The following CBLC variants were observed in gnomAD, a reference collection of about 807,000 sequenced individuals.
The protein encoded by CBLC is E3 ubiquitin-protein ligase CBL-C.
In CBLC, 46 loss-of-function variants were observed where a neutral mutation model predicts 58.6. The observed-to-expected ratio is 0.79, with a 90% CI of 0.62 to 1.00. The LOEUF is 1.00. Ranked by LOEUF, CBLC falls within the 50% of genes least tolerant of loss-of-function variation. CBLC has a pLI of 0.00. For synonymous variants in CBLC, 271 were observed against 264.2 expected (o/e 1.03, Z -0.25); for missense variants, 655 against 625.8 (o/e 1.05, Z -0.50).
intron 9 of CBLC, among the ~76,000 whole-genome samples, chr19:44,796,529 C>T (rs1968181259): frequency 6.6e-6 from 1 of 151,926 alleles, no homozygotes; most frequent in Admixed American, 6.6e-5. Context: ...GGATTACAGG[C>T]AGGTGCCACC....
In CBLC at chr19:44,791,738, A is replaced by T. The variant is rs1487676171; in HGVS notation, c.1006-645A>T. ...CAGAGCAAGACTGCGTCTCCAAAAAAAAAAAAAAAAAATGAGTGTAGACAT... is the reference window on the plus strand; with the variant it reads ...CAGAGCAAGACTGCGTCTCCAAAAATAAAAAAAAAAAATGAGTGTAGACAT... On this transcript the variant is annotated intron_variant, in intron 6 of 10. Transcript: ENST00000647358. 2.0e-5 allele frequency among the ~76,000 whole-genome samples: 3 copies of T among 152,100 alleles called. No individual in the cohort carries two copies. In the East Asian group the frequency reaches 5.8e-4, roughly 29 times the overall value.
chr19:44,799,694 AAGAG>A (rs755886107), intron 9 of CBLC, among the ~76,000 whole-genome samples: 35 of 146,198 alleles, frequency 2.4e-4, no homozygotes, highest in South Asian at 6.4e-4. Context: ...AAAGTAAAGA[AAGAG>A]AGAGAGAAAG....
chr19:44,794,309 G>A (rs1233396041), intron 9 of CBLC, 28 bp downstream of exon 9: 1 of 1,608,418 alleles, frequency 6.2e-7, no homozygotes, highest in East Asian at 2.2e-5. Flanking sequence ...CTGAGGTTGG[G>A]GGCTGGGGTC....
chr19:44,788,348 A>G (rs1283349265), intron 5 of CBLC, among the ~76,000 whole-genome samples: 1 of 150,630 alleles, frequency 6.6e-6, no homozygotes, highest in Non-Finnish European at 1.5e-5. Context: ...CTGGTCTCGA[A>G]CCCCTGGGCT....
At chr19:44,789,942 G>T (rs1968002344) in intron 5 of CBLC, 62 bp from the exon 6 acceptor site, 3 of 1,075,082 alleles carry the variant, frequency 2.8e-6, no homozygotes, top group Non-Finnish European at 4.4e-6. Context: ...AAAGGTACTT[G>T]TTCATCTGGG....
At chr19:44,791,228 C>T (rs2122479269) in intron 6 of CBLC, among the ~76,000 whole-genome samples, 1 of 149,634 alleles carries the variant, frequency 6.7e-6, no homozygotes. Context: ...ATCACTTGAG[C>T]CTGGGAGTTG....
chr19:44,787,706 A>G (rs1335042356), intron 5 of CBLC, among the ~76,000 whole-genome samples: 2 of 150,810 alleles, frequency 1.3e-5, no homozygotes, highest in African/African-American at 2.4e-5. Flanking sequence ...AATTCCAGCT[A>G]CTTGGGAGGG....
At chr19:44,790,553 G>T (rs1346664401) in intron 6 of CBLC, among the ~76,000 whole-genome samples, 2 of 151,946 alleles carry the variant, frequency 1.3e-5, no homozygotes, top group African/African-American at 2.4e-5. Context: ...TCCCACCTCA[G>T]CCTCCCGAGC....
At chr19:44,784,996 G>A (rs1282612945) in intron 5 of CBLC, among the ~76,000 whole-genome samples, 6 of 83,106 alleles carry the variant, frequency 7.2e-5, no homozygotes, top group Admixed American at 4.1e-4. Flanking sequence ...TTTTGAGACA[G>A]AGTCTTGCTC....
At chr19:44,800,145 C>CT (rs1426998452) in intron 9 of CBLC, among the ~76,000 whole-genome samples, 1 of 152,210 alleles carries the variant, frequency 6.6e-6, no homozygotes, top group Non-Finnish European at 1.5e-5. Context: ...AGGCTGCAGC[C>CT]TAGCAGAGAC....
chr19:44,794,163 G>T (rs761988158), intron 8 of CBLC, 41 bp from the exon 9 acceptor site: 6 of 1,579,464 alleles, frequency 3.8e-6, no homozygotes, highest in Non-Finnish European at 4.3e-6. Flanking sequence ...GAAGAAAATG[G>T]CAGCTCACAA....
rs1465638279 is a variant in CBLC at position 44,778,280 on chromosome 19, C to G, written c.349C>G (p.Leu117Val). 1.1e-5 allele frequency: 16 copies of G among 1,434,152 alleles called. No homozygotes were observed. Among genetic ancestry groups the G allele is most frequent in the Admixed American group, 2.9e-5 (1 of 34,462 alleles). 88.8% of individuals were successfully genotyped at this position (1,434,152 alleles called of 1,614,324 possible). Residue 117 changes from leucine (L) to valine (V), a missense_variant, in exon 1 of 11, where the codon CTC (leucine) becomes GTC (valine). Around this residue, in one of 3 missense-constraint regions of CBLC, gnomAD observed 280 missense variants for 237.2 expected, o/e 1.18. Coordinates refer to ENST00000647358, the MANE Select transcript of CBLC (RefSeq NM_012116.4). ...NDELFRAGSRLRRQLAKLAII... is the reference protein window; with the variant it reads ...NDELFRAGSRVRRQLAKLAII... ...CGAGCTCTTCCGGGCGGGCTCCAGA[C>G]TCAGGTGAGCCTTCGCCCCAGAACA...
intron 9 of CBLC, among the ~76,000 whole-genome samples, chr19:44,794,962 T>TC (rs1409636644): frequency 4.7e-5 from 6 of 128,024 alleles, no homozygotes; most frequent in African/African-American, 1.7e-4. Context: ...CCCAGTACTT[T>TC]TTTTTTTTTT....
chr19:44,795,421 G>A (rs1300990922), intron 9 of CBLC, among the ~76,000 whole-genome samples: 2 of 152,090 alleles, frequency 1.3e-5, no homozygotes, highest in Non-Finnish European at 2.9e-5. Flanking sequence ...GGAGGCTGAG[G>A]TGGGAGGGTC....
intron 9 of CBLC, among the ~76,000 whole-genome samples, chr19:44,796,459 C>T (rs1209425534): frequency 1.3e-5 from 2 of 152,104 alleles, no homozygotes; most frequent in African/African-American, 4.8e-5. Flanking sequence ...TCTCAGCTCA[C>T]TGCAACCTCC....
intron 4 of CBLC, among the ~76,000 whole-genome samples, chr19:44,782,949 A>C (rs1354887857): frequency 6.6e-6 from 1 of 152,134 alleles, no homozygotes; most frequent in Admixed American, 6.6e-5. Context: ...AAGAGAAGAG[A>C]AGGTCAGGTT....
At chr19:44,790,997 T>C (rs760857847) in intron 6 of CBLC, among the ~76,000 whole-genome samples, 81 of 151,778 alleles carry the variant, frequency 5.3e-4, no homozygotes, top group Non-Finnish European at 1.0e-3. Flanking sequence ...TAGTCCCAGC[T>C]GAGGCACTTG....
chr19:44,783,461 A>G (rs1967801976), intron 4 of CBLC, among the ~76,000 whole-genome samples: 1 of 151,918 alleles, frequency 6.6e-6, no homozygotes, highest in African/African-American at 2.4e-5. Flanking sequence ...GTGAGCCAAG[A>G]TCACGCCATT....
In CBLC at chr19:44,777,971, G is replaced by A. The variant is rs770372319; in HGVS notation, c.40G>A (p.Glu14Lys). Residue 14 changes from glutamate to lysine, a missense_variant, in exon 1 of 11, where the codon GAG becomes AAG. Glu to Lys is a moderately conservative substitution (Grantham distance 56). Around this residue, in one of 3 missense-constraint regions of CBLC, gnomAD observed 280 missense variants for 237.2 expected, o/e 1.18. Transcript: ENST00000647358. ...AVAPWGRQWE[E>K]ARALGRAVRM... ...GGCCCCGTGGGGGCGACAGTGGGAA[G>A]AGGCCCGCGCCCTGGGCCGGGCAGT... 2 of 1,605,020 alleles carry A rather than the reference G, an allele frequency of 1.2e-6. No homozygotes were observed. Among genetic ancestry groups the A allele is most frequent in the African/African-American group, 2.7e-5 (2 of 74,634 alleles).
Sources: allele counts gnomAD v4.1 joint callset (sites outside exome capture counted in the v4.1 genomes callset), GRCh38; gene constraint gnomAD v4.1.1; regional missense constraint gnomAD v4.1.1; transcripts MANE v1.5; gene names NCBI Gene and HGNC (gene_info 2026-07-23, HGNC 2026-07-21).